PMFBP1: variants seen among roughly 807,000 people sequenced by gnomAD.
PMFBP1 encodes the protein polyamine modulated factor 1 binding protein 1.
Under a neutral mutation model 137.8 loss-of-function variants are expected in PMFBP1, and 131 were observed. The observed-to-expected ratio is 0.95, with a 90% CI of 0.82 to 1.10. PMFBP1 has a LOEUF of 1.10. Ranked by LOEUF, PMFBP1 falls within the 50% of genes least tolerant of loss-of-function variation. The pLI, the probability that PMFBP1 is intolerant of heterozygous loss-of-function variation, is 0.00. For synonymous variants in PMFBP1, 490 were observed against 450.4 expected (o/e 1.09, Z -1.11); for missense variants, 1,199 against 1,175.4 (o/e 1.02, Z -0.29).
chr16:72,198,773 T>G, the PMFBP1 span, among the ~76,000 whole-genome samples: 24 of 151,978 alleles, frequency 1.6e-4, no homozygotes, highest in Middle Eastern at 3.4e-3. Context: ...GGAATCACAG[T>G]GTGTATTTTC....
At chr16:72,181,587 AG>A (rs2043276438), upstream of PMFBP1, among the ~76,000 whole-genome samples, 1 of 152,224 alleles carries the variant, frequency 6.6e-6, no homozygotes, top group South Asian at 2.1e-4. Context: ...CAAAACCCAA[AG>A]GTGAACTGAG....
the PMFBP1 span, among the ~76,000 whole-genome samples, chr16:72,190,433 C>A: frequency 6.6e-6 from 1 of 152,298 alleles, no homozygotes; most frequent in East Asian, 1.9e-4. Context: ...TTGCTTCTGA[C>A]CTCAGTGAAC....
chr16:72,245,773 T>C, the PMFBP1 span, among the ~76,000 whole-genome samples: 1 of 152,222 alleles, frequency 6.6e-6, no homozygotes, highest in African/African-American at 2.4e-5. Flanking sequence ...AACTCTCTGC[T>C]GATGGCTTCT....
chr16:72,132,725 G>A, intron 10 of PMFBP1, 23 bp downstream of exon 10: 1 of 1,613,928 alleles, frequency 6.2e-7, no homozygotes, highest in Non-Finnish European at 8.5e-7. Flanking sequence ...AGTGTGGTGG[G>A]ACAGCACCTG....
chr16:72,186,925 C>G, the PMFBP1 span, among the ~76,000 whole-genome samples: 4 of 151,858 alleles, frequency 2.6e-5, no homozygotes, highest in Non-Finnish European at 4.4e-5. Flanking sequence ...CAAGCCTGGC[C>G]AACATGGCAA....
intron 19 of PMFBP1, among the ~76,000 whole-genome samples, chr16:72,121,693 T>C (rs1213875003): frequency 1.3e-5 from 2 of 152,154 alleles, no homozygotes; most frequent in Non-Finnish European, 2.9e-5. Flanking sequence ...GGTGTGAACA[T>C]AGGTCACTGT....
At chr16:72,164,599 A>G in intron 3 of PMFBP1, 165 bp downstream of exon 3, 1 of 1,195,550 alleles carries the variant, frequency 8.4e-7, no homozygotes, top group Non-Finnish European at 1.2e-6. Context: ...TTCCATGTGT[A>G]TGTGCGTTGG....
At chr16:72,140,667 C>T in intron 5 of PMFBP1, 85 bp from the exon 6 acceptor site, 3 of 1,261,620 alleles carry the variant, frequency 2.4e-6, no homozygotes, top group Non-Finnish European at 1.1e-6. Flanking sequence ...AATCTCTAGA[C>T]CTATATTCTA....
chr16:72,123,003 C>T lies in PMFBP1; in HGVS notation c.2694-15G>A. The T allele has an allele frequency of 6.2e-7, 1 of 1,609,180 alleles. No homozygotes were observed. Among genetic ancestry groups the T allele is most frequent in the South Asian group, 1.1e-5 (1 of 90,938 alleles). On this transcript the variant is annotated splice_polypyrimidine_tract_variant and intron_variant, in intron 18 of 20. Transcript: ENST00000237353. The stretch of plus-strand genomic sequence containing the variant: ...CATTGGCGACCCTGTAATAAAATCA[C>T]AGGAGAAAACAGCAGCCAGTCGCCA...
chr16:72,153,731 T>C (rs1237429449), intron 4 of PMFBP1, among the ~76,000 whole-genome samples: 5 of 148,996 alleles, frequency 3.4e-5, no homozygotes. Context: ...GTACTCTCAA[T>C]GATTGACTCC....
intron 2 of PMFBP1, among the ~76,000 whole-genome samples, chr16:72,168,332 G>C (rs892611189): frequency 1.3e-5 from 2 of 152,196 alleles, no homozygotes; most frequent in African/African-American, 4.8e-5. Flanking sequence ...GGAGTTATTA[G>C]AAAAGGCTGT....
chr16:72,239,901 GAAAAAAAAAAAAAA>G, the PMFBP1 span, among the ~76,000 whole-genome samples: 1 of 87,790 alleles, frequency 1.1e-5, no homozygotes, highest in Non-Finnish European at 2.2e-5. Context: ...AAAAAAAAAA[GAAAAAAAAAAAAAA>G]AAGAATGTTC....
At position 72,119,154 on chromosome 16, in the gene PMFBP1, C is replaced by T. The variant is rs1462120226; in HGVS notation, c.*184G>A. On this transcript the variant is annotated 3_prime_UTR_variant, in exon 21 of 21. Coordinates refer to ENST00000237353, the MANE Select transcript of PMFBP1 (RefSeq NM_031293.3). Reference sequence around the variant, plus strand: ...TGGGCCTGGAGATGGTAGTATGGTTCTAAAGCTCACTCCATGGCAGGAAGT... The same window carrying T: ...TGGGCCTGGAGATGGTAGTATGGTTTTAAAGCTCACTCCATGGCAGGAAGT... 6.3e-6 allele frequency: 4 copies of T among 637,496 alleles called. No homozygotes were observed. The highest frequency in any genetic ancestry group is 1.1e-5 in the Non-Finnish European group (4 of 365,420). The allele number at this position is 637,496 out of a possible 1,614,324, so 39.5% of individuals were successfully genotyped here. A position where few individuals can be genotyped will look rare whatever the true frequency, so the allele number is the denominator to read the frequency against.
chr16:72,178,498 T>C (rs1185638895), upstream of PMFBP1, among the ~76,000 whole-genome samples: 1 of 152,206 alleles, frequency 6.6e-6, no homozygotes, highest in Non-Finnish European at 1.5e-5. Flanking sequence ...TTTTCCTTTA[T>C]TTCTTCTACA....
At chr16:72,217,624 G>A in the PMFBP1 span, among the ~76,000 whole-genome samples, 1 of 152,178 alleles carries the variant, frequency 6.6e-6, no homozygotes, top group Admixed American at 6.5e-5. Context: ...AGCCAAGGCG[G>A]GTGGATCACC....
the PMFBP1 span, among the ~76,000 whole-genome samples, chr16:72,223,701 G>A: frequency 6.6e-6 from 1 of 152,208 alleles, no homozygotes; most frequent in South Asian, 2.1e-4. Flanking sequence ...ACAGGAAAAG[G>A]ACAAAAACTA....
At chr16:72,159,054 G>C (rs2043023927) in intron 3 of PMFBP1, among the ~76,000 whole-genome samples, 1 of 152,176 alleles carries the variant, frequency 6.6e-6, no homozygotes, top group Admixed American at 6.5e-5. Flanking sequence ...GTAAGCATCT[G>C]TCCACTGCTG....
At chr16:72,127,280 T>C (rs17603860) in intron 14 of PMFBP1, among the ~76,000 whole-genome samples, 2,616 of 152,314 alleles carry the variant, frequency 0.017, 38 homozygotes, top group Middle Eastern at 0.031. Flanking sequence ...AAGTGGTAAA[T>C]TGGACTTCTG....
the PMFBP1 span, among the ~76,000 whole-genome samples, chr16:72,231,507 T>C: frequency 6.6e-6 from 1 of 152,084 alleles, no homozygotes; most frequent in Non-Finnish European, 1.5e-5. Context: ...AGCCTGAAAA[T>C]TGGAATAAGG....
Sources: allele counts gnomAD v4.1 joint callset (sites outside exome capture counted in the v4.1 genomes callset), GRCh38; gene constraint gnomAD v4.1.1; transcripts MANE v1.5; gene names NCBI Gene and HGNC (gene_info 2026-07-23, HGNC 2026-07-21).